Variants in ZNF385D observed in about 807,000 individuals in gnomAD.
The protein encoded by ZNF385D is zinc finger protein 385D.
In ZNF385D, 15 loss-of-function variants were observed where a neutral mutation model predicts 35.8. The observed-to-expected ratio is 0.42, with a 90% CI of 0.28 to 0.64. The LOEUF is 0.64. Among genes scored for constraint, ZNF385D ranks in the 30% least tolerant of loss-of-function variants. The pLI is 0.23. For missense variants in ZNF385D, 474 were observed against 494.6 expected (o/e 0.96, Z 0.39); for synonymous variants, 212 against 186.8 (o/e 1.13, Z -1.10).
At chr3:22,019,633 A>T (rs1210007658) in intron 3 of ZNF385D, among the ~76,000 whole-genome samples, 1 of 151,976 alleles carries the variant, frequency 6.6e-6, no homozygotes, top group Non-Finnish European at 1.5e-5. Flanking sequence ...AAGATTTCTT[A>T]GGTGTCTAAT....
chr3:21,763,496 T>C (rs1435658488), intron 3 of ZNF385D, among the ~76,000 whole-genome samples: 1 of 152,180 alleles, frequency 6.6e-6, no homozygotes, highest in East Asian at 1.9e-4. Context: ...ATAGTATTGG[T>C]GTTTAAAACT....
At chr3:22,160,780 G>T (rs1705900042) in intron 3 of ZNF385D, among the ~76,000 whole-genome samples, 1 of 152,028 alleles carries the variant, frequency 6.6e-6, no homozygotes, top group African/African-American at 2.4e-5. Context: ...TAGGAAACCA[G>T]GCTTAATAAA....
chr3:21,573,860 G>C (rs2063409076), intron 2 of ZNF385D, among the ~76,000 whole-genome samples: 1 of 151,720 alleles, frequency 6.6e-6, no homozygotes, highest in African/African-American at 2.4e-5. Context: ...AGGAATTCAA[G>C]ACAAGCCTGG....
At chr3:21,977,704 G>T (rs956301184) in intron 3 of ZNF385D, among the ~76,000 whole-genome samples, 1 of 151,740 alleles carries the variant, frequency 6.6e-6, no homozygotes, top group Non-Finnish European at 1.5e-5. Flanking sequence ...TGGCATGGTG[G>T]GGCTGTCTAT....
chr3:22,144,076 G>C (rs1485482691), intron 3 of ZNF385D, among the ~76,000 whole-genome samples: 1 of 152,084 alleles, frequency 6.6e-6, no homozygotes, highest in African/African-American at 2.4e-5. Flanking sequence ...TTTGTATAAT[G>C]TTTTATAAAA....
At chr3:21,825,168 A>G (rs1383267786) in intron 3 of ZNF385D, among the ~76,000 whole-genome samples, 2 of 152,210 alleles carry the variant, frequency 1.3e-5, no homozygotes, top group Non-Finnish European at 1.5e-5. Flanking sequence ...ATACAAACGC[A>G]AACCAGAAAA....
chr3:22,212,716 T>C (rs1368040976), intron 2 of ZNF385D, among the ~76,000 whole-genome samples: 2 of 152,008 alleles, frequency 1.3e-5, no homozygotes, highest in Non-Finnish European at 2.9e-5. Context: ...AGGTAAAGCA[T>C]AAAGCCTGTT....
intron 1 of ZNF385D, among the ~76,000 whole-genome samples, chr3:21,725,183 G>C (rs936283620): frequency 2.6e-5 from 4 of 152,128 alleles, no homozygotes; most frequent in African/African-American, 9.7e-5. Flanking sequence ...ATTTAAAGCA[G>C]CGTGTAGAGG....
chr3:21,831,599 T>C (rs1258415821), intron 3 of ZNF385D, among the ~76,000 whole-genome samples: 1 of 152,202 alleles, frequency 6.6e-6, no homozygotes, highest in Non-Finnish European at 1.5e-5. Context: ...TGAGTTTAAA[T>C]CTGGTTTAAA....
intron 2 of ZNF385D, among the ~76,000 whole-genome samples, chr3:22,298,552 T>TACACAC (rs562535043): frequency 0.16 from 21,969 of 141,126 alleles, 1,927 homozygotes; most frequent in South Asian, 0.24. Context: ...TTTATGTATA[T>TACACAC]ACACACATAC....
intron 3 of ZNF385D, among the ~76,000 whole-genome samples, chr3:22,072,312 A>C (rs532280347): frequency 6.7e-6 from 1 of 149,988 alleles, no homozygotes; most frequent in African/African-American, 2.5e-5. Context: ...GGCATTATAT[A>C]CTTCTTGGAA....
chr3:21,762,707 C>G (rs1419990121), intron 3 of ZNF385D, among the ~76,000 whole-genome samples: 1 of 152,146 alleles, frequency 6.6e-6, no homozygotes, highest in Admixed American at 6.5e-5. Flanking sequence ...GACAGACAGC[C>G]TTTCACTGTC....
At chr3:22,066,401 T>C (rs555317087) in intron 3 of ZNF385D, among the ~76,000 whole-genome samples, 22 of 149,632 alleles carry the variant, frequency 1.5e-4, no homozygotes, top group Non-Finnish European at 3.0e-4. Flanking sequence ...CTGGGTGAGA[T>C]GGTTCCCTGT....
intron 3 of ZNF385D, among the ~76,000 whole-genome samples, chr3:22,036,429 T>A (rs186212602): frequency 6.6e-6 from 1 of 152,010 alleles, no homozygotes. Context: ...ATGTGAGTAA[T>A]ATCAATTGAC....
intron 2 of ZNF385D, among the ~76,000 whole-genome samples, chr3:21,623,310 T>C (rs541086772): frequency 6.6e-6 from 1 of 152,264 alleles, no homozygotes; most frequent in South Asian, 2.1e-4. Flanking sequence ...TATGACACTT[T>C]TATTACACAT....
chr3:21,915,024 T>C (rs1017210178), intron 3 of ZNF385D, among the ~76,000 whole-genome samples: 4 of 150,038 alleles, frequency 2.7e-5, no homozygotes, highest in African/African-American at 7.3e-5. Flanking sequence ...ATATATTCAA[T>C]AGAAATCCAG....
intron 3 of ZNF385D, among the ~76,000 whole-genome samples, chr3:21,852,027 ACTT>A (rs1355973353): frequency 2.0e-5 from 3 of 151,766 alleles, no homozygotes; most frequent in East Asian, 1.9e-4. Flanking sequence ...CAAAATCAAA[ACTT>A]CTTATCTTTT....
At chr3:21,846,921 T>C (rs530030830) in intron 3 of ZNF385D, among the ~76,000 whole-genome samples, 11 of 152,046 alleles carry the variant, frequency 7.2e-5, no homozygotes, top group Non-Finnish European at 1.5e-4. Context: ...TATTAGTGGT[T>C]TGCCTGATTT....
intron 2 of ZNF385D, among the ~76,000 whole-genome samples, chr3:22,170,356 TAAC>T (rs1171107049): frequency 2.6e-5 from 4 of 152,198 alleles, no homozygotes; most frequent in Non-Finnish European, 5.9e-5. Context: ...GAAATGTTTT[TAAC>T]AACATGTAAG....
Sources: allele counts gnomAD v4.1 joint callset (sites outside exome capture counted in the v4.1 genomes callset), GRCh38; gene constraint gnomAD v4.1.1; transcripts MANE v1.5; gene names NCBI Gene and HGNC (gene_info 2026-07-23, HGNC 2026-07-21).